Variants in PARP8 observed in about 807,000 individuals in gnomAD.
PARP8 encodes the protein protein mono-ADP-ribosyltransferase PARP8.
PARP8 carries 51 observed loss-of-function variants against 124.1 expected under a neutral mutation model. That is an observed-to-expected ratio of 0.41 (90% CI 0.33 to 0.52). The LOEUF (loss-of-function observed/expected upper bound fraction) is 0.52, where lower values mean the gene tolerates loss of function less well. Among genes scored for constraint, PARP8 ranks in the 20% least tolerant of loss-of-function variants. The pLI is 0.21. For missense variants in PARP8, 860 were observed against 1,018.9 expected (o/e 0.84, Z 2.12); for synonymous variants, 391 against 361.5 (o/e 1.08, Z -0.93).
At chr5:50,839,198 A>G (rs545882552) in intron 25 of PARP8, among the ~76,000 whole-genome samples, 23 of 151,914 alleles carry the variant, frequency 1.5e-4, no homozygotes, top group Non-Finnish European at 3.1e-4. Flanking sequence ...AAATTGGTTA[A>G]TTTTTCGTTA....
At chr5:50,727,836 C>T (rs1756582811) in intron 2 of PARP8, among the ~76,000 whole-genome samples, 1 of 152,092 alleles carries the variant, frequency 6.6e-6, no homozygotes, top group Non-Finnish European at 1.5e-5. Flanking sequence ...TTATGTGATG[C>T]CACAATACAT....
intron 9 of PARP8, among the ~76,000 whole-genome samples, chr5:50,780,021 G>T (rs905606982): frequency 2.0e-5 from 3 of 152,076 alleles, no homozygotes; most frequent in Non-Finnish European, 4.4e-5. Context: ...TATGTAATAA[G>T]AAAAGGAATT....
intron 2 of PARP8, among the ~76,000 whole-genome samples, chr5:50,686,999 C>T (rs553946243): frequency 2.0e-5 from 3 of 152,196 alleles, no homozygotes; most frequent in Non-Finnish European, 2.9e-5. Context: ...GATTAACATT[C>T]GGCTTCTAGT....
chr5:50,711,641 T>C (rs1754778892), intron 2 of PARP8, among the ~76,000 whole-genome samples: 1 of 152,114 alleles, frequency 6.6e-6, no homozygotes, highest in Non-Finnish European at 1.5e-5. Context: ...AATGAGTCCT[T>C]GGTTGAGCCG....
chr5:50,751,905 G>C (rs912424141), intron 3 of PARP8, among the ~76,000 whole-genome samples: 1 of 151,986 alleles, frequency 6.6e-6, no homozygotes, highest in African/African-American at 2.4e-5. Flanking sequence ...AGAGTTGTTG[G>C]TTAATATGCT....
chr5:50,834,144 G>A (rs1435197376), intron 24 of PARP8, 96 bp downstream of exon 24: 2 of 979,456 alleles, frequency 2.0e-6, no homozygotes, highest in African/African-American at 3.3e-5. Flanking sequence ...CGGTGGAATA[G>A]GGAAAGCATT....
chr5:50,839,370 T>G (rs768610198), intron 25 of PARP8, among the ~76,000 whole-genome samples: 2 of 151,998 alleles, frequency 1.3e-5, no homozygotes, highest in Non-Finnish European at 2.9e-5. Context: ...TTTCCAGACA[T>G]AAAAGAACTT....
chr5:50,821,377 T>G lies in PARP8; in HGVS notation c.1794+39T>G. ...ATGGCACACCAATCACAAAGTTTTC[T>G]TTAACAATAACAACAATATTGAGAT... On this transcript the variant is annotated intron_variant, in intron 16 of 25. Coordinates refer to ENST00000281631, the MANE Select transcript of PARP8 (RefSeq NM_024615.4). The G allele has an allele frequency of 5.6e-6, 9 of 1,608,958 alleles. No homozygotes were observed. In the African/African-American group the frequency reaches 9.3e-5, roughly 17 times the overall value.
intron 14 of PARP8, among the ~76,000 whole-genome samples, chr5:50,800,360 T>G (rs1430723998): frequency 6.6e-6 from 1 of 152,234 alleles, no homozygotes; most frequent in African/African-American, 2.4e-5. Flanking sequence ...TATATAAAAT[T>G]ATGTCTCTTG....
intron 2 of PARP8, among the ~76,000 whole-genome samples, chr5:50,737,550 A>G (rs1348988462): frequency 6.6e-6 from 1 of 152,204 alleles, no homozygotes; most frequent in African/African-American, 2.4e-5. Flanking sequence ...TTCTTCATCA[A>G]TATGTTAGAA....
intron 2 of PARP8, among the ~76,000 whole-genome samples, chr5:50,728,947 A>C (rs1756702770): frequency 6.6e-6 from 1 of 152,146 alleles, no homozygotes; most frequent in Non-Finnish European, 1.5e-5. Context: ...ATGTTGAAAA[A>C]GGCAACTTAT....
rs1745005348 is a variant in PARP8 at position 50,815,525 on chromosome 5, G to T, written c.1668+1G>T. On this transcript the variant is annotated splice_donor_variant, in intron 15 of 25. Transcript: ENST00000281631. LOFTEE classifies it high-confidence loss of function. ...TGATGAAATAGCAACTGGAGCTCAGGTAGTAACACAGGATACTAATTATTT... is the reference window on the plus strand; with the variant it reads ...TGATGAAATAGCAACTGGAGCTCAGTTAGTAACACAGGATACTAATTATTT... 6.3e-7 allele frequency: 1 copy of T among 1,580,916 alleles called. No individual in the cohort carries two copies. Among genetic ancestry groups the T allele is most frequent in the Non-Finnish European group, 8.6e-7 (1 of 1,165,354 alleles).
At chr5:50,671,503 GT>G (rs1750008867) in intron 2 of PARP8, among the ~76,000 whole-genome samples, 2 of 27,154 alleles carry the variant, frequency 7.4e-5, no homozygotes, top group Admixed American at 2.9e-4. Flanking sequence ...ATTGTGTTTT[GT>G]AAAAAAAAAA....
chr5:50,732,607 T>A (rs970239253), intron 2 of PARP8, among the ~76,000 whole-genome samples: 1 of 152,046 alleles, frequency 6.6e-6, no homozygotes, highest in Admixed American at 6.6e-5. Flanking sequence ...CTCAGCAGAT[T>A]GTATTTTTTT....
chr5:50,748,033 T>A (rs1304855139), intron 2 of PARP8, among the ~76,000 whole-genome samples: 1 of 152,140 alleles, frequency 6.6e-6, no homozygotes, highest in African/African-American at 2.4e-5. Context: ...TAACATTCAA[T>A]GAAGTTATTG....
At chr5:50,743,159 G>T (rs1344041028) in intron 2 of PARP8, among the ~76,000 whole-genome samples, 1 of 152,058 alleles carries the variant, frequency 6.6e-6, no homozygotes, top group Non-Finnish European at 1.5e-5. Flanking sequence ...GGAAAACGAG[G>T]CCATGGAACT....
chr5:50,746,248 A>T (rs1455740919), intron 2 of PARP8, among the ~76,000 whole-genome samples: 1 of 152,218 alleles, frequency 6.6e-6, no homozygotes, highest in Non-Finnish European at 1.5e-5. Context: ...GGAACTGATT[A>T]GTGGCTGTTG....
chr5:50,822,277 G>A (rs1192908084), intron 16 of PARP8, 58 bp from the exon 17 acceptor site: 1 of 1,192,190 alleles, frequency 8.4e-7, no homozygotes, highest in Admixed American at 1.7e-5. Context: ...GTGATATACA[G>A]ACTTGCAAGA....
chr5:50,672,328 A>G (rs1750124524), intron 2 of PARP8, among the ~76,000 whole-genome samples: 1 of 152,202 alleles, frequency 6.6e-6, no homozygotes, highest in Non-Finnish European at 1.5e-5. Flanking sequence ...AGCCCCTAGC[A>G]CACTGTCTAG....
Sources: gnomAD v4.1 joint callset for allele counts (sites outside exome capture counted in the v4.1 genomes callset) on GRCh38, gnomAD v4.1.1 for gene constraint, MANE v1.5 for transcripts, NCBI Gene and HGNC (gene_info 2026-07-23, HGNC 2026-07-21) for gene names.